Variants in UPP2 observed in about 807,000 individuals in gnomAD.
UPP2 encodes the protein UPase 2.
In UPP2, 23 loss-of-function variants were observed where a neutral mutation model predicts 26.7. The observed-to-expected ratio is 0.86, with a 90% CI of 0.62 to 1.22. The LOEUF (loss-of-function observed/expected upper bound fraction) is 1.22, where lower values mean the gene tolerates loss of function less well. Ranked by LOEUF, UPP2 falls within the 50% of genes most tolerant of loss-of-function variation. The pLI, the probability that UPP2 is intolerant of heterozygous loss-of-function variation, is 0.00. For missense variants in UPP2, 387 were observed against 396.7 expected (o/e 0.98, Z 0.21); for synonymous variants, 127 against 141.3 (o/e 0.90, Z 0.72).
At chr2:158,112,743 T>A (rs945000981) in intron 2 of UPP2, among the ~76,000 whole-genome samples, 2 of 152,224 alleles carry the variant, frequency 1.3e-5, no homozygotes, top group Non-Finnish European at 1.5e-5. Context: ...TTATATTCCC[T>A]TGTTAACACA....
At chr2:158,101,710 G>A (rs1356804570), upstream of UPP2, among the ~76,000 whole-genome samples, 1 of 152,146 alleles carries the variant, frequency 6.6e-6, no homozygotes, top group African/African-American at 2.4e-5. Context: ...TTGGGATCAA[G>A]GACAGATGTA....
intron 3 of UPP2, among the ~76,000 whole-genome samples, chr2:158,033,072 G>C (rs1256344907): frequency 2.0e-5 from 3 of 152,068 alleles, no homozygotes; most frequent in African/African-American, 7.2e-5. Context: ...GGGTCATTTA[G>C]AACACCAAAT....
At chr2:157,995,838 G>A (rs1170862051) in intron 2 of UPP2, among the ~76,000 whole-genome samples, 1 of 151,456 alleles carries the variant, frequency 6.6e-6, no homozygotes, top group Non-Finnish European at 1.5e-5. Context: ...AGTTTTTTTG[G>A]TCATTTAAAT....
At chr2:158,012,118 C>T (rs1447280907) in intron 2 of UPP2, among the ~76,000 whole-genome samples, 4 of 152,100 alleles carry the variant, frequency 2.6e-5, no homozygotes, top group African/African-American at 9.7e-5. Context: ...CCTCCCTGTA[C>T]TCTCTGCCCG....
chr2:158,103,525 T>A (rs1371387774), intron 1 of UPP2, among the ~76,000 whole-genome samples: 1 of 152,090 alleles, frequency 6.6e-6, no homozygotes, highest in Non-Finnish European at 1.5e-5. Context: ...GTAGCTGGAG[T>A]TTGGAATCAC....
In UPP2 at chr2:158,072,641, G is replaced by GAGACAGAC. The variant is rs34853147; in HGVS notation, c.148-29370_148-29363dup. Among the ~76,000 whole-genome samples, 633 of 150,152 alleles carry GAGACAGAC rather than the reference G, an allele frequency of 4.2e-3. 6 individuals are homozygous for GAGACAGAC. Among genetic ancestry groups the GAGACAGAC allele is most frequent in the African/African-American group, 0.015 (592 of 40,552 alleles). Reference sequence around the variant, plus strand: ...GGGCAGCTCAGCACACAGAGAGAAAGAGACAGACAGACAGACAGACAGACA... The same window carrying GAGACAGAC: ...GGGCAGCTCAGCACACAGAGAGAAAGAGACAGACAGACAGACAGACAGACAGACAGACA... On this transcript the variant is annotated intron_variant, in intron 3 of 9. Coordinates refer to the UPP2 transcript ENST00000605860.
intron 6 of UPP2, among the ~76,000 whole-genome samples, chr2:158,131,672 C>T (rs370867680): frequency 6.6e-6 from 1 of 152,176 alleles, no homozygotes; most frequent in Non-Finnish European, 1.5e-5. Flanking sequence ...TGACAATCTC[C>T]TTGGTGGCAG....
chr2:158,120,985 C>T (rs1388045319), intron 4 of UPP2, among the ~76,000 whole-genome samples: 3 of 151,916 alleles, frequency 2.0e-5, no homozygotes, highest in Non-Finnish European at 4.4e-5. Flanking sequence ...TGAAAAGAAT[C>T]AGAAGAAAAA....
At chr2:158,130,035 G>A (rs1026632977) in intron 6 of UPP2, among the ~76,000 whole-genome samples, 19 of 151,972 alleles carry the variant, frequency 1.3e-4, no homozygotes, top group Non-Finnish European at 7.4e-5. Context: ...AGCAATCCTC[G>A]TGCCTCACCC....
chr2:158,132,612 A>G (rs188426179), intron 6 of UPP2, among the ~76,000 whole-genome samples: 383 of 152,370 alleles, frequency 2.5e-3, no homozygotes, highest in Admixed American at 5.4e-3. Context: ...CGCATGGAGA[A>G]AACATTTCTA....
At chr2:158,110,986 T>G (rs544570085) in intron 2 of UPP2, among the ~76,000 whole-genome samples, 13 of 152,350 alleles carry the variant, frequency 8.5e-5, no homozygotes, top group African/African-American at 2.9e-4. Flanking sequence ...TAGTTTCTTT[T>G]GCTGTGCAGA....
At chr2:158,105,929 G>T (rs1182769720) in intron 1 of UPP2, among the ~76,000 whole-genome samples, 170 bp from the exon 2 acceptor site, 1 of 152,206 alleles carries the variant, frequency 6.6e-6, no homozygotes, top group African/African-American at 2.4e-5. Flanking sequence ...CATGCTCAGT[G>T]CTATGCTTGG....
At chr2:158,013,483 C>T in intron 2 of UPP2, among the ~76,000 whole-genome samples, 1 of 152,178 alleles carries the variant, frequency 6.6e-6, no homozygotes, top group Non-Finnish European at 1.5e-5. Context: ...TGTGGAAAGG[C>T]TTGGGGAAGA....
At chr2:158,086,766 C>G (rs552491912) in intron 3 of UPP2, among the ~76,000 whole-genome samples, 1 of 152,126 alleles carries the variant, frequency 6.6e-6, no homozygotes, top group East Asian at 1.9e-4. Flanking sequence ...CATTCAGGAA[C>G]AGGTTATTTA....
chr2:158,053,700 C>T (rs1257101592), intron 3 of UPP2, among the ~76,000 whole-genome samples: 1 of 152,082 alleles, frequency 6.6e-6, no homozygotes, highest in Non-Finnish European at 1.5e-5. Context: ...TCTTATGAAG[C>T]TATAGATTAG....
intron 3 of UPP2, among the ~76,000 whole-genome samples, chr2:158,077,698 T>C (rs533229227): frequency 1.3e-5 from 2 of 151,994 alleles, no homozygotes; most frequent in African/African-American, 4.8e-5. Flanking sequence ...CAAGAAAACA[T>C]TGGGAAACAT....
chr2:157,998,050 T>A (rs1467100745), intron 2 of UPP2, among the ~76,000 whole-genome samples: 3 of 152,144 alleles, frequency 2.0e-5, no homozygotes, highest in Non-Finnish European at 4.4e-5. Context: ...AATATTAGAT[T>A]GGGTTAAATC....
chr2:158,114,903 T>C (rs1047771742), intron 2 of UPP2, among the ~76,000 whole-genome samples, 198 bp from the exon 3 acceptor site: 3 of 152,250 alleles, frequency 2.0e-5, no homozygotes, highest in South Asian at 2.1e-4. Flanking sequence ...ACAAATTTAG[T>C]GCAAAAAACT....
chr2:158,010,706 G>T (rs186415638), intron 2 of UPP2, among the ~76,000 whole-genome samples: 2 of 152,100 alleles, frequency 1.3e-5, no homozygotes, highest in Non-Finnish European at 1.5e-5. Flanking sequence ...ATATTAATAG[G>T]TAAAAGGTAA....
Sources: gnomAD v4.1 joint callset for allele counts (sites outside exome capture counted in the v4.1 genomes callset) on GRCh38, gnomAD v4.1.1 for gene constraint, MANE v1.5 for transcripts, NCBI Gene and HGNC (gene_info 2026-07-23, HGNC 2026-07-21) for gene names.